Variants in NT5C1B observed in about 807,000 individuals in gnomAD.
NT5C1B encodes the protein 5'-nucleotidase, cytosolic IB, also known as cytosolic 5'-nucleotidase 1B.
Under a neutral mutation model 57.8 loss-of-function variants are expected in NT5C1B, and 44 were observed. The ratio of observed to expected loss-of-function variants is 0.76; its 90% CI spans 0.60 to 0.98. NT5C1B has a LOEUF of 0.98. NT5C1B is among the 50% of genes least tolerant of loss of function. The probability of loss-of-function intolerance (pLI) is 0.00; values close to 1 mark genes in which losing one functional copy is unlikely to be tolerated. For missense variants in NT5C1B, 742 were observed against 719.5 expected, an observed-to-expected ratio of 1.03 and a Z score of -0.36; for synonymous variants, 284 against 282.6, an observed-to-expected ratio of 1.00 and a Z score of -0.05.
chr2:18,580,647 T>C (rs1453865181), intron 6 of NT5C1B, among the ~76,000 whole-genome samples: 1 of 152,082 alleles, frequency 6.6e-6, no homozygotes, highest in Non-Finnish European at 1.5e-5. Flanking sequence ...TGCACACATA[T>C]CTTCATTGCA....
At chr2:18,567,691 A>G (rs978190175) in intron 8 of NT5C1B, among the ~76,000 whole-genome samples, 1 of 152,200 alleles carries the variant, frequency 6.6e-6, no homozygotes, top group African/African-American at 2.4e-5. Context: ...GATTGATTCA[A>G]TCTATCACAA....
rs1666545873 is a variant in NT5C1B, at chr2:18,584,848, T to G, written c.389A>C (p.Asp130Ala). 1 of 1,608,330 alleles carries G rather than the reference T, an allele frequency of 6.2e-7. No homozygotes were observed. Among genetic ancestry groups the G allele is most frequent in the Non-Finnish European group, 8.5e-7 (1 of 1,178,264 alleles). Residue 130 changes from aspartate (D) to alanine (A), a missense_variant, in exon 4 of 9, where the codon GAC (aspartate) becomes GCC (alanine). Transcript: ENST00000304081. The surrounding 1 kb of genome is among the most constrained non-coding windows in gnomAD (Gnocchi z 5.8). ...CTCTGGGGGCGTGGGAGGCCGCGAG[T>G]CCAGCGACCGGGGCAGCTGGGGCGA...
chr2:18,566,443 G>A (rs1193922116), intron 8 of NT5C1B, among the ~76,000 whole-genome samples: 2 of 152,066 alleles, frequency 1.3e-5, no homozygotes, highest in Non-Finnish European at 2.9e-5. Context: ...GCTTTCTCAC[G>A]GTAAGAGGCC....
chr2:18,582,871 A>G (rs750509163), exon 6 of NT5C1B: 22 of 1,613,170 alleles, frequency 1.4e-5, no homozygotes, highest in Non-Finnish European at 1.4e-5. Flanking sequence ...TACTTACCGT[A>G]GTGATTGACG....
chr2:18,581,381 A>G (rs1267072827), intron 6 of NT5C1B, among the ~76,000 whole-genome samples: 7 of 152,314 alleles, frequency 4.6e-5, no homozygotes, highest in South Asian at 2.1e-4. Flanking sequence ...ATGTTCAACA[A>G]TGTGACAGTA....
chr2:18,565,923 G>T (rs1195496619), intron 8 of NT5C1B, among the ~76,000 whole-genome samples: 1 of 152,052 alleles, frequency 6.6e-6, no homozygotes, highest in Non-Finnish European at 1.5e-5. Flanking sequence ...ATATGTAATT[G>T]TATTTTTAAC....
chr2:18,584,220 T>A lies in NT5C1B; in HGVS notation c.759A>T (p.Ser253=), dbSNP rs1666454683. ...CCACCATGTTGAAGAGCGCGCAGGA[T>A]GAGAGAGCAATGGTGATGGCGTTCT... The change falls in exon 5 of 9, where the codon TCA becomes TCT. Residue 253 remains serine, a synonymous_variant. Coordinates refer to ENST00000304081, the Ensembl canonical transcript of NT5C1B. The surrounding 1 kb of genome is among the most constrained non-coding windows in gnomAD (Gnocchi z 5.8). 6.2e-7 allele frequency: 1 copy of A among 1,613,998 alleles called. No individual in the cohort carries two copies.
chr2:18,585,483 C>T (rs1407116534), intron 3 of NT5C1B, among the ~76,000 whole-genome samples: 2 of 152,156 alleles, frequency 1.3e-5, no homozygotes, highest in Non-Finnish European at 1.5e-5. Flanking sequence ...TCCCCGCTCC[C>T]CATGTGAATG....
chr2:18,578,736 C>T (rs1665925002), intron 6 of NT5C1B, among the ~76,000 whole-genome samples: 1 of 151,796 alleles, frequency 6.6e-6, no homozygotes, highest in African/African-American at 2.4e-5. Flanking sequence ...GAACTGCAAT[C>T]AGACAAGGAT....
intron 6 of NT5C1B, among the ~76,000 whole-genome samples, chr2:18,581,180 G>A (rs146707185): frequency 4.6e-5 from 7 of 152,160 alleles, no homozygotes; most frequent in Non-Finnish European, 1.0e-4. Context: ...CATATACTAC[G>A]GGTAAAAGTG....
Position 18,584,361 on chromosome 2 carries a change from G to C in NT5C1B, c.724-106C>G. On this transcript the variant is annotated intron_variant, in intron 4 of 8. Coordinates refer to ENST00000304081, the Ensembl canonical transcript of NT5C1B. This position sits in a 1 kb window ranked among gnomAD's most constrained non-coding sequence, Gnocchi z 5.8. ...GAGTAGGACAGCGGGCCCCTGCTTG[G>C]AGAAGCGGGATGCTGGAGACAGCTG... 1 of 1,544,744 alleles carries C rather than the reference G, an allele frequency of 6.5e-7. No homozygotes were observed. The highest frequency in any genetic ancestry group is 1.2e-5 in the South Asian group (1 of 80,252).
intron 6 of NT5C1B, among the ~76,000 whole-genome samples, chr2:18,582,087 G>T (rs570500661): frequency 2.0e-4 from 31 of 152,258 alleles, no homozygotes; most frequent in Admixed American, 5.9e-4. Flanking sequence ...ACTCATCTAT[G>T]TTAAATTTTT....
At chr2:18,576,776 C>G in exon 7 of NT5C1B, 1 of 1,613,560 alleles carries the variant, frequency 6.2e-7, no homozygotes. Context: ...CTAATACCTT[C>G]TTGTATTGCC....
At position 18,575,870 on chromosome 2, in the gene NT5C1B, T is replaced by C. The variant is rs533889295; in HGVS notation, c.1329+314A>G. 2.0e-5 allele frequency among the ~76,000 whole-genome samples: 3 copies of C among 152,314 alleles called. No individual in the cohort carries two copies. The South Asian group carries it at 6.2e-4, about 32-fold the overall frequency. On this transcript the variant is annotated intron_variant, in intron 8 of 8. Coordinates refer to ENST00000304081, the Ensembl canonical transcript of NT5C1B. ...ATTTTGAGAATTTATTATGTAGAAATGGCTTATTGATAAGCAGTATTTCCT... is the reference window on the plus strand; with the variant it reads ...ATTTTGAGAATTTATTATGTAGAAACGGCTTATTGATAAGCAGTATTTCCT...
intron 1 of NT5C1B, among the ~76,000 whole-genome samples, chr2:18,588,928 C>T (rs935138956): frequency 6.6e-6 from 1 of 152,168 alleles, no homozygotes; most frequent in Non-Finnish European, 1.5e-5. Flanking sequence ...TTGTATTTGC[C>T]TGCATACACC....
At chr2:18,586,979 G>A in intron 2 of NT5C1B, 2 of 1,614,164 alleles carry the variant, frequency 1.2e-6, no homozygotes, top group South Asian at 1.1e-5. Context: ...AATCGGTAGT[G>A]TGATCTCTGC....
At chr2:18,563,634 G>C (rs1417203467) in exon 9 of NT5C1B, 3 of 654,204 alleles carry the variant, frequency 4.6e-6, no homozygotes, top group African/African-American at 1.8e-5. Context: ...ATGGTAACTT[G>C]AGGGTTCAAA....
chr2:18,576,905 G>A lies in NT5C1B; in HGVS notation c.1022-10C>T. 1 of 1,612,958 alleles carries A rather than the reference G, an allele frequency of 6.2e-7. No individual in the cohort carries two copies. ...CGGTCAATCAGTAAGCCTATTATCA[G>A]GCAAGAAAGACTTTGTTATGACAGA... On this transcript the variant is annotated splice_polypyrimidine_tract_variant and intron_variant, in intron 6 of 8. Coordinates refer to ENST00000304081, the Ensembl canonical transcript of NT5C1B.
At chr2:18,573,525 C>A (rs988951432) in intron 8 of NT5C1B, among the ~76,000 whole-genome samples, 1 of 151,864 alleles carries the variant, frequency 6.6e-6, no homozygotes, top group Admixed American at 6.6e-5. Flanking sequence ...AGATAGGGAT[C>A]AAATCAGGAG....
Sources: gnomAD v4.1 joint callset for allele counts (sites outside exome capture counted in the v4.1 genomes callset) on GRCh38, gnomAD v4.1.1 for gene constraint, Gnocchi (gnomAD v3.1) non-coding constraint, MANE v1.5 for transcripts, NCBI Gene and HGNC (gene_info 2026-07-23, HGNC 2026-07-21) for gene names.